The following COL25A1 variants were observed in gnomAD, a reference collection of about 807,000 sequenced individuals.
COL25A1 encodes collagen type XXV alpha 1 chain.
A neutral mutation model predicts 128.4 loss-of-function variants in COL25A1; 103 were observed. That is an observed-to-expected ratio of 0.80 (90% CI 0.68 to 0.94). The LOEUF is 0.94. COL25A1 is among the 40% of genes least tolerant of loss of function. The pLI, the probability that COL25A1 is intolerant of heterozygous loss-of-function variation, is 0.00. For missense variants in COL25A1, 745 were observed against 840.0 expected (o/e 0.89, Z 1.40); for synonymous variants, 279 against 277.2 (o/e 1.01, Z -0.06).
chr4:109,102,690 CAT>C (rs1406989300), intron 3 of COL25A1, among the ~76,000 whole-genome samples: 1 of 152,106 alleles, frequency 6.6e-6, no homozygotes, highest in African/African-American at 2.4e-5. Flanking sequence ...TTATTAGTTA[CAT>C]ATACATTTAG....
At chr4:109,019,373 CACATATATATATAT>C (rs1275102410) in intron 5 of COL25A1, among the ~76,000 whole-genome samples, 2 of 31,906 alleles carry the variant, frequency 6.3e-5, no homozygotes, top group Non-Finnish European at 9.4e-5. Context: ...CACACACACA[CACATATATATATAT>C]ATATATATAT....
intron 5 of COL25A1, among the ~76,000 whole-genome samples, chr4:109,018,235 T>A (rs762435474): frequency 2.0e-5 from 3 of 152,064 alleles, no homozygotes; most frequent in Non-Finnish European, 4.4e-5. Context: ...TCTTTCTTTT[T>A]TATTTTGAGA....
At chr4:108,827,785 T>G (rs1732561593) in intron 32 of COL25A1, among the ~76,000 whole-genome samples, 1 of 152,112 alleles carries the variant, frequency 6.6e-6, no homozygotes. Context: ...ACTCCCAAAG[T>G]GTTGGGATTA....
intron 3 of COL25A1, among the ~76,000 whole-genome samples, chr4:109,215,018 T>C (rs1777876396): frequency 6.6e-6 from 1 of 152,182 alleles, no homozygotes; most frequent in Admixed American, 6.6e-5. Context: ...GCTTGATGCA[T>C]TGCCTTTTGA....
intron 20 of COL25A1, among the ~76,000 whole-genome samples, chr4:108,867,144 A>G (rs1012282109): frequency 6.6e-6 from 1 of 152,234 alleles, no homozygotes; most frequent in Non-Finnish European, 1.5e-5. Flanking sequence ...TAAAGAAAAG[A>G]TATTTAGGAA....
rs1050332792 is a variant in COL25A1 at position 109,256,606 on chromosome 4, A to G, written c.367+43977T>C. On this transcript the variant is annotated intron_variant, in intron 3 of 37. Coordinates refer to ENST00000399132, the MANE Select transcript of COL25A1 (RefSeq NM_198721.4). Reference sequence around the variant, plus strand: ...ATTTTTCCAATTTCACAGAAGCCTCATTTCCAGACCAGTGTTTGGTTGACA... The same window carrying G: ...ATTTTTCCAATTTCACAGAAGCCTCGTTTCCAGACCAGTGTTTGGTTGACA... Among the ~76,000 whole-genome samples the G allele has an allele frequency of 4.6e-5, 7 of 152,170 alleles. No homozygotes were observed. In the East Asian group the frequency reaches 5.8e-4, roughly 13 times the overall value.
chr4:109,254,232 T>A (rs1370325583), intron 3 of COL25A1, among the ~76,000 whole-genome samples: 1 of 151,496 alleles, frequency 6.6e-6, no homozygotes, highest in Non-Finnish European at 1.5e-5. Flanking sequence ...ACTAACATAA[T>A]TAAATGTGCC....
intron 8 of COL25A1, among the ~76,000 whole-genome samples, chr4:108,941,860 C>A (rs1038011258): frequency 6.6e-6 from 1 of 152,140 alleles, no homozygotes; most frequent in Admixed American, 6.5e-5. Context: ...TTTATTGACG[C>A]CTGAAGTCCA....
At chr4:108,984,994 A>G (rs1160727117) in intron 6 of COL25A1, among the ~76,000 whole-genome samples, 1 of 152,244 alleles carries the variant, frequency 6.6e-6, no homozygotes, top group Non-Finnish European at 1.5e-5. Flanking sequence ...CTTGGAGTCT[A>G]AAGAGATACT....
At chr4:108,871,635 G>T (rs995846612) in intron 19 of COL25A1, among the ~76,000 whole-genome samples, 5 of 152,094 alleles carry the variant, frequency 3.3e-5, no homozygotes, top group African/African-American at 1.2e-4. Flanking sequence ...AATTTTAAAG[G>T]CTTTGAGCAT....
chr4:108,846,913 T>TC (rs1006092802), intron 27 of COL25A1, among the ~76,000 whole-genome samples: 6 of 150,890 alleles, frequency 4.0e-5, no homozygotes, highest in African/African-American at 1.5e-4. Context: ...TAATTTTTTT[T>TC]TTTTTTTTTT....
intron 24 of COL25A1, among the ~76,000 whole-genome samples, chr4:108,853,132 T>C (rs1735992482): frequency 6.6e-6 from 1 of 152,152 alleles, no homozygotes. Context: ...TAGAATCCTA[T>C]TTAAAAAATC....
chr4:108,991,692 C>T (rs1032227616), intron 6 of COL25A1, among the ~76,000 whole-genome samples: 7 of 152,096 alleles, frequency 4.6e-5, no homozygotes, highest in Middle Eastern at 3.4e-3. Flanking sequence ...CAAAGGCACA[C>T]GCTTTTTGAA....
chr4:109,246,424 TAA>T (rs1029662898), intron 3 of COL25A1, among the ~76,000 whole-genome samples: 5 of 152,286 alleles, frequency 3.3e-5, no homozygotes, highest in African/African-American at 1.2e-4. Context: ...TCAAACAGGG[TAA>T]AGACAGTAAA....
At chr4:109,034,079 T>G (rs1759115839) in intron 5 of COL25A1, among the ~76,000 whole-genome samples, 1 of 152,210 alleles carries the variant, frequency 6.6e-6, no homozygotes, top group Non-Finnish European at 1.5e-5. Flanking sequence ...TTGATAGTGC[T>G]ATTCCATTCC....
At chr4:109,144,157 C>T (rs1348621121) in intron 3 of COL25A1, among the ~76,000 whole-genome samples, 1 of 152,220 alleles carries the variant, frequency 6.6e-6, no homozygotes, top group Non-Finnish European at 1.5e-5. Context: ...GGCCCCTCTG[C>T]TGCAGGTCTG....
chr4:108,941,618 T>C (rs1198532749), intron 8 of COL25A1, among the ~76,000 whole-genome samples, 181 bp from the exon 9 acceptor site: 1 of 152,224 alleles, frequency 6.6e-6, no homozygotes, highest in African/African-American at 2.4e-5. Context: ...GAAAGAAATA[T>C]AATCCTGAAA....
At chr4:109,079,945 T>G (rs1215788948) in intron 3 of COL25A1, among the ~76,000 whole-genome samples, 1 of 151,882 alleles carries the variant, frequency 6.6e-6, no homozygotes, top group Non-Finnish European at 1.5e-5. Context: ...AGGAAGTGAG[T>G]CAATGGCTTT....
At position 108,813,344 on chromosome 4, in the gene COL25A1, G is replaced by A. The variant is rs1730957852; in HGVS notation, c.*583C>T. ...TGTAACCCCCTTGAGATGACAAAAG[G>A]AATAAAGGTTCAGATGTAATCAAAG... On this transcript the variant is annotated 3_prime_UTR_variant, in exon 38 of 38. Coordinates refer to ENST00000399132, the MANE Select transcript of COL25A1 (RefSeq NM_198721.4). 1 of 152,510 alleles carries A rather than the reference G, an allele frequency of 6.6e-6. No individual in the cohort carries two copies. The allele number at this position is 152,510 out of a possible 1,614,324, so 9.4% of individuals were successfully genotyped here.
Sources: allele counts gnomAD v4.1 joint callset (sites outside exome capture counted in the v4.1 genomes callset), GRCh38; gene constraint gnomAD v4.1.1; transcripts MANE v1.5; gene names NCBI Gene and HGNC (gene_info 2026-07-23, HGNC 2026-07-21).